The following DMD variants were observed in gnomAD, a reference collection of about 807,000 sequenced individuals.
DMD encodes mutant dystrophin.
In DMD, 63 loss-of-function variants were observed where a neutral mutation model predicts 330.1. That is an observed-to-expected ratio of 0.19 (90% CI 0.16 to 0.24). DMD has a LOEUF of 0.24. Among genes scored for constraint, DMD ranks in the 10% least tolerant of loss-of-function variants. The probability of loss-of-function intolerance (pLI) is 1.00; values close to 1 mark genes in which losing one functional copy is unlikely to be tolerated. For missense variants in DMD, 3,344 were observed against 2,684.1 expected, an observed-to-expected ratio of 1.25 and a Z score of -5.43; for synonymous variants, 1,223 against 959.8, an observed-to-expected ratio of 1.27 and a Z score of -5.07.
At chrX:31,146,162 G>A (rs1414851524) in intron 76 of DMD, 129 bp downstream of exon 76, 1 of 820,226 alleles carries the variant, frequency 1.2e-6, no homozygotes, top group Non-Finnish European at 1.8e-6. Context: ...TTTTTCGCCT[G>A]GTATATGATT....
chrX:31,466,101 C>G (rs2066839606), intron 59 of DMD, among the ~76,000 whole-genome samples: 1 of 112,123 alleles, frequency 8.9e-6, no homozygotes, highest in Admixed American at 9.5e-5. Context: ...GAATAGATGG[C>G]AAACATTTTC....
chrX:32,514,005 C>T (rs748857496), intron 18 of DMD, among the ~76,000 whole-genome samples: 1 of 111,268 alleles, frequency 9.0e-6, no homozygotes, highest in African/African-American at 3.3e-5. Context: ...AGATAAGGCA[C>T]GTTAAGTATT....
At chrX:32,066,448 T>C (rs182855978) in intron 44 of DMD, among the ~76,000 whole-genome samples, 174 of 111,372 alleles carry the variant, frequency 1.6e-3, no homozygotes, top group Non-Finnish European at 1.9e-3. Flanking sequence ...AGATAGCCCT[T>C]ACTACTTCAT....
intron 13 of DMD, among the ~76,000 whole-genome samples, chrX:32,590,904 A>G (rs2054835167): frequency 8.9e-6 from 1 of 111,846 alleles, no homozygotes; most frequent in Non-Finnish European, 1.9e-5. Context: ...TCCTAAATGT[A>G]TATTTTATAT....
At chrX:31,748,825 A>G (rs1378870248) in intron 51 of DMD, among the ~76,000 whole-genome samples, 1 of 111,709 alleles carries the variant, frequency 9.0e-6, no homozygotes, top group Non-Finnish European at 1.9e-5. Flanking sequence ...AATGAAGCAT[A>G]ATTTGCCCAA....
chrX:32,772,941 T>C (rs1284569431), intron 7 of DMD, among the ~76,000 whole-genome samples: 4 of 112,070 alleles, frequency 3.6e-5, no homozygotes, highest in Non-Finnish European at 7.5e-5. Context: ...CCACAGACTG[T>C]CACAGCAACT....
intron 2 of DMD, among the ~76,000 whole-genome samples, chrX:32,919,366 C>T (rs758175624): frequency 1.8e-5 from 2 of 112,018 alleles, no homozygotes; most frequent in South Asian, 7.5e-4. Flanking sequence ...TGTCTAAGAA[C>T]ATCCCTAGGA....
rs200338000 is a variant in DMD, at chrX:32,642,477, T to C, written c.1331+1655A>G. ...GGTGGTAATACTGCCATTTTAGCAT[T>C]TCCATTCTCTAGTGGGATGGGGATG... On this transcript the variant is annotated intron_variant, in intron 11 of 78. Coordinates refer to ENST00000357033, the MANE Select transcript of DMD (RefSeq NM_004006.3). 8.0e-5 allele frequency among the ~76,000 whole-genome samples: 9 copies of C among 112,007 alleles called. No homozygotes were observed. The East Asian group carries it at 2.5e-3, about 31-fold the overall frequency.
chrX:31,655,733 C>A (rs942112126), intron 54 of DMD, among the ~76,000 whole-genome samples: 1 of 110,920 alleles, frequency 9.0e-6, no homozygotes, highest in African/African-American at 3.3e-5. Flanking sequence ...CACCTTCCAT[C>A]ATGGAATCAT....
chrX:31,989,153 C>G (rs2150305387), intron 44 of DMD, among the ~76,000 whole-genome samples: 1 of 111,766 alleles, frequency 8.9e-6, no homozygotes, highest in African/African-American at 3.2e-5. Flanking sequence ...CAGACCCACC[C>G]ACACAAGGGA....
chrX:31,496,162 T>A (rs1319581261), intron 57 of DMD, among the ~76,000 whole-genome samples: 3 of 111,962 alleles, frequency 2.7e-5, no homozygotes, highest in South Asian at 3.7e-4. Flanking sequence ...CAAAAAGTAA[T>A]AAAAAGACCA....
intron 43 of DMD, among the ~76,000 whole-genome samples, chrX:32,258,240 G>T (rs928766358): frequency 6.3e-5 from 7 of 111,885 alleles, no homozygotes; most frequent in Non-Finnish European, 1.1e-4. Flanking sequence ...TTCAACCATT[G>T]TGGAAGACAG....
chrX:31,469,269 T>C (rs144112722), intron 59 of DMD, among the ~76,000 whole-genome samples: 2,253 of 111,912 alleles, frequency 0.02, 58 homozygotes, highest in African/African-American at 0.069. Flanking sequence ...AGTGTGATGG[T>C]CTTTACAATT....
chrX:31,216,635 T>A (rs2045438688), intron 64 of DMD, among the ~76,000 whole-genome samples: 1 of 112,275 alleles, frequency 8.9e-6, no homozygotes, highest in Admixed American at 9.4e-5. Flanking sequence ...TGTGGATCCA[T>A]ATCCTGACAG....
chrX:32,124,842 C>T (rs952306583), intron 44 of DMD, among the ~76,000 whole-genome samples: 4 of 109,755 alleles, frequency 3.6e-5, no homozygotes, highest in African/African-American at 1.0e-4. Flanking sequence ...CGATCAAGAC[C>T]GGTAAGACGG....
intron 7 of DMD, among the ~76,000 whole-genome samples, chrX:32,703,966 C>G (rs1398969609): frequency 9.0e-6 from 1 of 111,311 alleles, no homozygotes; most frequent in Non-Finnish European, 1.9e-5. Flanking sequence ...TCACGGACAC[C>G]AGATTTTAAT....
intron 52 of DMD, among the ~76,000 whole-genome samples, chrX:31,709,584 CTGTG>C (rs55768943): frequency 0.018 from 1,653 of 93,953 alleles, 24 homozygotes; most frequent in African/African-American, 0.043. Context: ...CTCTCTCTGT[CTGTG>C]TGTGTGTGTG....
chrX:32,780,524 T>C (rs889196099), intron 7 of DMD, among the ~76,000 whole-genome samples: 2 of 111,239 alleles, frequency 1.8e-5, no homozygotes, highest in Non-Finnish European at 3.8e-5. Context: ...ACCACTGTTA[T>C]TTTATTTAAA....
At chrX:32,040,186 G>C (rs775732390) in intron 44 of DMD, among the ~76,000 whole-genome samples, 2 of 111,996 alleles carry the variant, frequency 1.8e-5, no homozygotes, top group African/African-American at 3.2e-5. Context: ...AACTGACCTA[G>C]ATAATCAAAT....
Sources: allele counts gnomAD v4.1 joint callset (sites outside exome capture counted in the v4.1 genomes callset), GRCh38; gene constraint gnomAD v4.1.1; transcripts MANE v1.5; gene names NCBI Gene and HGNC (gene_info 2026-07-23, HGNC 2026-07-21).